The following TRIM37 variants were observed in gnomAD, a reference collection of about 807,000 sequenced individuals.
The protein encoded by TRIM37 is E3 ubiquitin-protein ligase TRIM37.
A neutral mutation model predicts 129.8 loss-of-function variants in TRIM37; 80 were observed. The observed-to-expected ratio is 0.62, with a 90% CI of 0.51 to 0.74. The LOEUF (loss-of-function observed/expected upper bound fraction) is 0.74. TRIM37 is among the 30% of genes least tolerant of loss of function. The pLI, the probability that TRIM37 is intolerant of heterozygous loss-of-function variation, is 0.00. For missense variants in TRIM37, 1,054 were observed against 1,176.5 expected, an observed-to-expected ratio of 0.90 and a Z score of 1.52; for synonymous variants, 389 against 387.1, an observed-to-expected ratio of 1.00 and a Z score of -0.06.
Position 59,047,855 on chromosome 17 carries a change from A to G in TRIM37, c.1531-36T>C, listed in dbSNP as rs1436143788. On this transcript the variant is annotated intron_variant, in intron 15 of 23. Coordinates refer to ENST00000262294, the MANE Select transcript of TRIM37 (RefSeq NM_015294.6). ...GCCAAGAAAACAAGACGTCTATTCC[A>G]AATGTTTCTACTCAGTTGATCACCC... is the stretch of plus-strand genomic sequence containing the variant. The G allele has an allele frequency of 1.9e-6, 3 of 1,612,078 alleles. No homozygotes were observed. The Admixed American group carries it at 5.0e-5, about 27-fold the overall frequency.
At chr17:59,029,419 T>C (rs1464388525) in intron 18 of TRIM37, among the ~76,000 whole-genome samples, 2 of 152,178 alleles carry the variant, frequency 1.3e-5, no homozygotes, top group Non-Finnish European at 2.9e-5. Flanking sequence ...ATGCAAGTCC[T>C]TTCATAGAAT....
intron 13 of TRIM37, among the ~76,000 whole-genome samples, chr17:59,052,213 T>TA (rs35673171): frequency 9.5e-4 from 136 of 143,888 alleles, no homozygotes; most frequent in Admixed American, 1.4e-3. Context: ...TTGTTTTAAT[T>TA]AAAAAAAAAA....
intron 7 of TRIM37, among the ~76,000 whole-genome samples, chr17:59,076,049 G>C (rs1428701915): frequency 6.6e-6 from 1 of 152,140 alleles, no homozygotes; most frequent in Non-Finnish European, 1.5e-5. Flanking sequence ...GCAATAACAT[G>C]AATTTCATTC....
At chr17:59,017,754 A>G (rs2036131638) in intron 19 of TRIM37, among the ~76,000 whole-genome samples, 2 of 151,950 alleles carry the variant, frequency 1.3e-5, no homozygotes, top group South Asian at 4.1e-4. Flanking sequence ...CCTCCCGAGT[A>G]GCTCAGATTA....
intron 14 of TRIM37, among the ~76,000 whole-genome samples, chr17:59,049,701 T>C (rs2040161272): frequency 6.6e-6 from 1 of 152,136 alleles, no homozygotes; most frequent in Non-Finnish European, 1.5e-5. Context: ...TCTTGCTATG[T>C]TGCTCAAGCT....
intron 1 of TRIM37, among the ~76,000 whole-genome samples, chr17:59,106,215 G>C (rs532798502): frequency 6.6e-6 from 1 of 152,190 alleles, no homozygotes; most frequent in Non-Finnish European, 1.5e-5. Context: ...AGACATCCTT[G>C]AAAACTCCAG....
At chr17:59,003,921 A>C (rs903082769) in intron 22 of TRIM37, among the ~76,000 whole-genome samples, 6 of 107,584 alleles carry the variant, frequency 5.6e-5, no homozygotes, top group Non-Finnish European at 1.0e-4. Context: ...CCCCATCTCT[A>C]TAAAAAAAAA....
intron 11 of TRIM37, 116 bp from the exon 12 acceptor site, chr17:59,061,224 A>C (rs1200077957): frequency 3.8e-6 from 3 of 787,086 alleles, no homozygotes; most frequent in African/African-American, 3.5e-5. Context: ...GCAATGGAAG[A>C]AATAATTAAA....
rs1013837884 is a variant in TRIM37, at chr17:59,057,005, T to C, written c.1069A>G (p.Lys357Glu). 6.2e-7 allele frequency: 1 copy of C among 1,613,864 alleles called. No homozygotes were observed. The highest frequency in any genetic ancestry group is 1.3e-5 in the African/African-American group (1 of 75,012). Residue 357 changes from lysine (K) to glutamate (E), a missense_variant, in exon 13 of 24, where the codon AAA becomes GAA. By Grantham distance (56) the Lys-to-Glu change is moderately conservative. Coordinates refer to ENST00000262294, the MANE Select transcript of TRIM37 (RefSeq NM_015294.6). The stretch of plus-strand genomic sequence containing the variant: ...GATGCAAATTCTCGAATGATATTTT[T>C]TGTAGGATCATTACAGGACTGGTGA... ...MVHQSCNDPT[K>E]NIIREFASDF...
chr17:58,998,906 T>C lies in TRIM37; in HGVS notation c.*471A>G. The C allele has an allele frequency of 9.8e-7, 1 of 1,016,722 alleles. No homozygotes were observed. Among genetic ancestry groups the C allele is most frequent in the East Asian group, 9.8e-5 (1 of 10,216 alleles). 63.0% of individuals were successfully genotyped at this position (1,016,722 alleles called of 1,614,324 possible). A position where few individuals can be genotyped will look rare whatever the true frequency, so the allele number is the denominator to read the frequency against. On this transcript the variant is annotated 3_prime_UTR_variant, in exon 24 of 24. Transcript: ENST00000262294. ...AGGGCAGAATCTCTTCCAAAGCAATTTTCTGTTCACTAATCTACAGGCACT... is the reference window on the plus strand; with the variant it reads ...AGGGCAGAATCTCTTCCAAAGCAATCTTCTGTTCACTAATCTACAGGCACT...
chr17:59,106,290 G>C, intron 1 of TRIM37, 151 bp downstream of exon 1: 1 of 870,388 alleles, frequency 1.1e-6, no homozygotes, highest in South Asian at 1.5e-5. Flanking sequence ...GAATGGGCAC[G>C]GCATCCTTGG....
At position 58,999,394 on chromosome 17, in the gene TRIM37, C is replaced by T. The variant is rs750800776; in HGVS notation, c.2878G>A (p.Glu960Lys). 5.0e-6 allele frequency: 8 copies of T among 1,613,924 alleles called. No homozygotes were observed. Among genetic ancestry groups the T allele is most frequent in the Middle Eastern group, 1.7e-4 (1 of 6,054 alleles). ...GPEDLSFNTD[E>K]NSGR ...TTTGGCAATTACCTTCCACTATTTT[C>T]ATCTGTATTGAAGCTGAGATCTTCA... Residue 960 changes from glutamate (E) to lysine (K), a missense_variant, in exon 24 of 24, where the codon GAA (glutamate) becomes AAA (lysine). Physicochemically the swap from Glu to Lys is moderately conservative, Grantham distance 56. Transcript: ENST00000262294.
At chr17:58,996,543 T>C (rs1443156262), downstream of TRIM37, among the ~76,000 whole-genome samples, 1 of 151,566 alleles carries the variant, frequency 6.6e-6, no homozygotes, top group East Asian at 1.9e-4. Flanking sequence ...ACCTACCACT[T>C]TGGGAGGCTG....
intron 24 of TRIM37, among the ~76,000 whole-genome samples, chr17:58,990,178 C>CAAA (rs35076409): frequency 2.0e-4 from 5 of 25,618 alleles, no homozygotes; most frequent in South Asian, 3.1e-3. Flanking sequence ...GACCTTGTCT[C>CAAA]AAAAAAAAAA....
At chr17:59,104,019 C>T (rs564537168) in intron 2 of TRIM37, among the ~76,000 whole-genome samples, 46 of 152,226 alleles carry the variant, frequency 3.0e-4, no homozygotes, top group Middle Eastern at 3.4e-3. Context: ...ACATATAAAC[C>T]AGTCCTCTTC....
At chr17:58,996,619 A>G (rs1392139090), downstream of TRIM37, among the ~76,000 whole-genome samples, 3 of 151,846 alleles carry the variant, frequency 2.0e-5, no homozygotes, top group Non-Finnish European at 4.4e-5. Context: ...CATCTCCACA[A>G]AAAATAGAAA....
intron 17 of TRIM37, among the ~76,000 whole-genome samples, chr17:59,036,447 GGTGTGTGTGTGTGT>G (rs10625636): frequency 8.5e-5 from 12 of 140,676 alleles, no homozygotes; most frequent in South Asian, 4.5e-4. Context: ...ATTTGCTGGG[GGTGTGTGTGTGTGT>G]GTGTGTGTGT....
At chr17:59,039,377 C>T (rs1373516783) in intron 17 of TRIM37, among the ~76,000 whole-genome samples, 2 of 150,178 alleles carry the variant, frequency 1.3e-5, no homozygotes, top group Non-Finnish European at 3.0e-5. Context: ...GATGGAGTCT[C>T]GCTCTGTCAC....
Position 59,065,693 on chromosome 17 carries a change from C to T in TRIM37, c.810-1288G>A, listed in dbSNP as rs188382934. ...ACAAATTTCCCAAAACAATAAACTG[C>T]AAACCATTTCACCACATCTTCAGAT... On this transcript the variant is annotated intron_variant, in intron 9 of 23. Coordinates refer to ENST00000262294, the MANE Select transcript of TRIM37 (RefSeq NM_015294.6). Among the ~76,000 whole-genome samples the T allele has an allele frequency of 1.2e-3, 183 of 152,250 alleles. 1 individual carries two copies. The highest frequency in any genetic ancestry group is 4.0e-3 in the African/African-American group (166 of 41,548).
Sources: gnomAD v4.1 joint callset for allele counts (sites outside exome capture counted in the v4.1 genomes callset) on GRCh38, gnomAD v4.1.1 for gene constraint, MANE v1.5 for transcripts, NCBI Gene and HGNC (gene_info 2026-07-23, HGNC 2026-07-21) for gene names.